MTMR2: variants seen among roughly 807,000 people sequenced by gnomAD.
The protein encoded by MTMR2 is myotubularin related protein 2, also known as phosphatidylinositol-3,5-bisphosphate 3-phosphatase MTMR2.
In MTMR2, 55 loss-of-function variants were observed where a neutral mutation model predicts 86.9. The ratio of observed to expected loss-of-function variants is 0.63; its 90% CI spans 0.51 to 0.79. The LOEUF (loss-of-function observed/expected upper bound fraction) is 0.79. MTMR2 is among the 30% of genes least tolerant of loss of function. The pLI is 0.00. For synonymous variants in MTMR2, 241 were observed against 266.8 expected (o/e 0.90, Z 0.94); for missense variants, 659 against 772.3 (o/e 0.85, Z 1.74).
In MTMR2 at chr11:95,865,457, A is replaced by AG. The variant is rs1864577000; in HGVS notation, c.262+143dup. ...AGGCTTACGTTTGTAGAACACACTAAGATGCTGAGAAGACTGCAGGTAAAG... is the reference window on the plus strand; with the variant it reads ...AGGCTTACGTTTGTAGAACACACTAAGGATGCTGAGAAGACTGCAGGTAAAG... On this transcript the variant is annotated intron_variant, in intron 3 of 14. Transcript: ENST00000346299. The AG allele has an allele frequency of 5.0e-6, 4 of 806,406 alleles. No homozygotes were observed. In the Admixed American group the frequency reaches 7.2e-5, roughly 15 times the overall value. The allele number at this position is 806,406 out of a possible 1,614,324, so 50.0% of individuals were successfully genotyped here. A position where few individuals can be genotyped will look rare whatever the true frequency, so the allele number is the denominator to read the frequency against.
intron 2 of MTMR2, among the ~76,000 whole-genome samples, chr11:95,877,112 T>C (rs1865142319): frequency 6.6e-6 from 1 of 152,206 alleles, no homozygotes; most frequent in Non-Finnish European, 1.5e-5. Flanking sequence ...AGGATTTTCT[T>C]AGTAACTTAT....
At chr11:95,899,309 G>A (rs573818609) in intron 1 of MTMR2, among the ~76,000 whole-genome samples, 2 of 152,244 alleles carry the variant, frequency 1.3e-5, no homozygotes, top group East Asian at 3.9e-4. Context: ...CAGTCTTGCT[G>A]ACTGAAAAAT....
chr11:95,895,147 A>G (rs1400442215), intron 1 of MTMR2, among the ~76,000 whole-genome samples: 2 of 151,908 alleles, frequency 1.3e-5, no homozygotes, highest in Admixed American at 1.3e-4. Flanking sequence ...AGAGGTACAA[A>G]CAAGGGCCAG....
At chr11:95,855,114 T>C (rs1864163746) in intron 7 of MTMR2, among the ~76,000 whole-genome samples, 1 of 148,732 alleles carries the variant, frequency 6.7e-6, no homozygotes, top group Admixed American at 6.7e-5. Flanking sequence ...CCAGATGACT[T>C]GATTTTTCTT....
At chr11:95,888,348 T>G (rs2135549388) in intron 1 of MTMR2, 87 bp from the exon 2 acceptor site, 3 of 880,822 alleles carry the variant, frequency 3.4e-6, no homozygotes, top group Non-Finnish European at 5.5e-6. Flanking sequence ...ACTCCAATAT[T>G]TATTAAAATT....
intron 1 of MTMR2, chr11:95,914,290 G>A (rs1258458838): frequency 1.0e-6 from 1 of 970,764 alleles, no homozygotes; most frequent in Admixed American, 6.1e-5. Context: ...ATCTTCAAAT[G>A]TCAATGGCTC....
intron 1 of MTMR2, among the ~76,000 whole-genome samples, chr11:95,919,777 G>A (rs1483358504): frequency 1.3e-5 from 2 of 152,068 alleles, no homozygotes; most frequent in Non-Finnish European, 2.9e-5. Context: ...CCTTTGAATG[G>A]GAACAACAAA....
intron 9 of MTMR2, 26 bp downstream of exon 9, chr11:95,849,646 AAT>A (rs771437141): frequency 1.3e-6 from 2 of 1,582,898 alleles, no homozygotes; most frequent in Non-Finnish European, 1.7e-6. Flanking sequence ...ATGAAACCAT[AAT>A]TATAATTACT....
At chr11:95,882,889 A>ATTTTTTTTTTTTTTTTT (rs776661875) in intron 2 of MTMR2, among the ~76,000 whole-genome samples, 1 of 76,098 alleles carries the variant, frequency 1.3e-5, no homozygotes, top group Non-Finnish European at 2.3e-5. Flanking sequence ...CATCCAGCTA[A>ATTTTTTTTTTTTTTTTT]TTTTTTTTTT....
chr11:95,853,670 A>G (rs1864105917), intron 7 of MTMR2, among the ~76,000 whole-genome samples: 1 of 152,140 alleles, frequency 6.6e-6, no homozygotes, highest in Non-Finnish European at 1.5e-5. Flanking sequence ...TTATATTGTA[A>G]TTGTTAATCT....
intron 1 of MTMR2, among the ~76,000 whole-genome samples, chr11:95,893,575 A>G (rs1234204319): frequency 6.6e-6 from 1 of 152,148 alleles, no homozygotes; most frequent in Non-Finnish European, 1.5e-5. Flanking sequence ...GTGGACCAAC[A>G]TAACCATCTT....
At chr11:95,886,356 A>G (rs1030390068) in intron 2 of MTMR2, among the ~76,000 whole-genome samples, 2 of 152,214 alleles carry the variant, frequency 1.3e-5, no homozygotes, top group African/African-American at 4.8e-5. Flanking sequence ...AAGAAAAAGT[A>G]GCAAACCTTA....
chr11:95,913,538 T>A (rs1235546078), intron 1 of MTMR2, among the ~76,000 whole-genome samples: 2 of 152,118 alleles, frequency 1.3e-5, no homozygotes, highest in East Asian at 3.9e-4. Flanking sequence ...CCTAGGAAGT[T>A]AAATGTTCAC....
intron 10 of MTMR2, among the ~76,000 whole-genome samples, chr11:95,845,662 A>G (rs1019634077): frequency 6.6e-6 from 1 of 151,868 alleles, no homozygotes; most frequent in Non-Finnish European, 1.5e-5. Context: ...CAGAGCATAC[A>G]GCAAGCACAG....
chr11:95,908,618 G>A (rs931529196), intron 1 of MTMR2, among the ~76,000 whole-genome samples: 3 of 152,024 alleles, frequency 2.0e-5, no homozygotes, highest in African/African-American at 7.2e-5. Context: ...AACGAAAACA[G>A]CATGATACTG....
chr11:95,890,224 G>A (rs574989122), intron 1 of MTMR2, among the ~76,000 whole-genome samples: 3 of 152,202 alleles, frequency 2.0e-5, no homozygotes, highest in South Asian at 2.1e-4. Flanking sequence ...ATAATGTAAG[G>A]AAAGAAAAAG....
chr11:95,845,882 TAA>T (rs201863810), intron 10 of MTMR2, among the ~76,000 whole-genome samples: 9 of 90,042 alleles, frequency 1.0e-4, no homozygotes, highest in South Asian at 3.7e-4. Context: ...TATGGTATCT[TAA>T]AAAAAAAAAA....
At chr11:95,904,009 G>A (rs1275503908) in intron 1 of MTMR2, among the ~76,000 whole-genome samples, 2 of 152,106 alleles carry the variant, frequency 1.3e-5, no homozygotes, top group African/African-American at 4.8e-5. Flanking sequence ...CAGCTACTCA[G>A]GAGGCTGAGG....
intron 1 of MTMR2, among the ~76,000 whole-genome samples, chr11:95,890,169 T>C (rs1031800162): frequency 4.6e-4 from 70 of 152,230 alleles, no homozygotes; most frequent in African/African-American, 1.6e-3. Context: ...CAACCTATAC[T>C]ATTATACAAA....
Sources: gnomAD v4.1 joint callset for allele counts (sites outside exome capture counted in the v4.1 genomes callset) on GRCh38, gnomAD v4.1.1 for gene constraint, MANE v1.5 for transcripts, NCBI Gene and HGNC (gene_info 2026-07-23, HGNC 2026-07-21) for gene names.